CHST11: variants seen among roughly 807,000 people sequenced by gnomAD.
CHST11 encodes C4S-1.
CHST11 carries 9 observed loss-of-function variants against 30.4 expected under a neutral mutation model. The observed-to-expected ratio is 0.30, with a 90% confidence interval of 0.18 to 0.52. The LOEUF (loss-of-function observed/expected upper bound fraction) is 0.52. CHST11 is among the 20% of genes least tolerant of loss of function. The pLI is 0.97. For synonymous variants in CHST11, 152 were observed against 187.8 expected (o/e 0.81, Z 1.56); for missense variants, 348 against 460.6 (o/e 0.76, Z 2.24).
Position 104,544,165 on chromosome 12 carries a change from A to AG in CHST11, c.119-57740dup. On this transcript the variant is annotated intron_variant, in intron 1 of 2. Coordinates refer to ENST00000303694, the MANE Select transcript of CHST11 (RefSeq NM_018413.6). ...AAGAAAGAAAGAAAGAAAGAAAGAA[A>AG]GAAAGAAAGAAAGAAAGACCTGAAA... Among the ~76,000 whole-genome samples, 342 of 42,650 alleles carry AG rather than the reference A, an allele frequency of 8.0e-3. 7 individuals carry two copies. The highest frequency in any genetic ancestry group is 0.019 in the African/African-American group (324 of 16,668). The allele number at this position is 42,650 out of a possible 152,430, so 28.0% of individuals were successfully genotyped here. A position where few individuals can be genotyped will look rare whatever the true frequency, so the allele number is the denominator to read the frequency against.
At chr12:104,690,348 T>C (rs1009995504) in intron 2 of CHST11, among the ~76,000 whole-genome samples, 1 of 152,240 alleles carries the variant, frequency 6.6e-6, no homozygotes, top group Admixed American at 6.5e-5. Flanking sequence ...AATCATTTCA[T>C]TTGTATTTCT....
chr12:104,573,191 T>C (rs888624990), intron 1 of CHST11, among the ~76,000 whole-genome samples: 1 of 152,160 alleles, frequency 6.6e-6, no homozygotes, highest in Non-Finnish European at 1.5e-5. Context: ...TACAAACCGC[T>C]GCTCAATGAA....
chr12:104,533,211 G>C (rs1175043685), intron 1 of CHST11, among the ~76,000 whole-genome samples: 3 of 152,180 alleles, frequency 2.0e-5, no homozygotes, highest in South Asian at 2.1e-4. Context: ...TCATGCTATA[G>C]TTAGTTGTAT....
chr12:104,597,575 CT>C (rs1184928235), intron 1 of CHST11, among the ~76,000 whole-genome samples: 1 of 152,200 alleles, frequency 6.6e-6, no homozygotes, highest in African/African-American at 2.4e-5. Context: ...GTTAAATCTT[CT>C]ATCATTCATA....
At chr12:104,657,795 C>T (rs2039559732) in intron 2 of CHST11, among the ~76,000 whole-genome samples, 1 of 152,142 alleles carries the variant, frequency 6.6e-6, no homozygotes, top group Admixed American at 6.5e-5. Flanking sequence ...CTTGAGGGTC[C>T]CCAGGCTCCA....
chr12:104,654,904 G>T (rs893439134), intron 2 of CHST11, among the ~76,000 whole-genome samples: 7 of 147,292 alleles, frequency 4.8e-5, no homozygotes, highest in Non-Finnish European at 7.6e-5. Context: ...TCCAGAACAG[G>T]AGTGGTCATA....
chr12:104,645,414 G>GGGGGCTGGGCC (rs1384505429), intron 2 of CHST11, among the ~76,000 whole-genome samples: 1 of 152,192 alleles, frequency 6.6e-6, no homozygotes, highest in Non-Finnish European at 1.5e-5. Context: ...CAGAGAGCCA[G>GGGGGCTGGGCC]GGGGCTGGGC....
chr12:104,581,641 A>G (rs1351623751), intron 1 of CHST11, among the ~76,000 whole-genome samples: 1 of 152,150 alleles, frequency 6.6e-6, no homozygotes, highest in African/African-American at 2.4e-5. Context: ...CTTTCTGGGT[A>G]CTGCTGAAGA....
At chr12:104,632,665 C>A (rs901453884) in intron 2 of CHST11, among the ~76,000 whole-genome samples, 1 of 152,222 alleles carries the variant, frequency 6.6e-6, no homozygotes, top group Non-Finnish European at 1.5e-5. Flanking sequence ...TTTAGCCCAT[C>A]AGTCTGCTGA....
chr12:104,732,840 T>G (rs2136133621), intron 2 of CHST11, among the ~76,000 whole-genome samples: 1 of 152,364 alleles, frequency 6.6e-6, no homozygotes, highest in South Asian at 2.1e-4. Context: ...GCAAAACAAA[T>G]GGGGACTGAT....
At chr12:104,501,481 A>C (rs1484179118) in intron 1 of CHST11, among the ~76,000 whole-genome samples, 1 of 152,198 alleles carries the variant, frequency 6.6e-6, no homozygotes, top group Non-Finnish European at 1.5e-5. Flanking sequence ...GTGGCCTAGC[A>C]TTTGGTGGTC....
intron 2 of CHST11, among the ~76,000 whole-genome samples, chr12:104,719,459 T>C (rs537217952): frequency 3.3e-5 from 5 of 152,318 alleles, no homozygotes; most frequent in African/African-American, 1.2e-4. Flanking sequence ...ACTCTGTCTC[T>C]CTCGTGCACA....
At chr12:104,707,339 CACGAATGGGCTGTGAT>C (rs2040045207) in intron 2 of CHST11, among the ~76,000 whole-genome samples, 1 of 152,118 alleles carries the variant, frequency 6.6e-6, no homozygotes, top group Non-Finnish European at 1.5e-5. Context: ...GTTCATGTCC[CACGAATGGGCTGTGAT>C]ATCACTTTAG....
At chr12:104,508,157 G>A (rs376736418) in intron 1 of CHST11, among the ~76,000 whole-genome samples, 6 of 152,036 alleles carry the variant, frequency 3.9e-5, no homozygotes, top group South Asian at 2.1e-4. Context: ...TATTACCCCC[G>A]TCCATGACAC....
chr12:104,635,694 T>C (rs2039316855), intron 2 of CHST11, among the ~76,000 whole-genome samples: 1 of 152,224 alleles, frequency 6.6e-6, no homozygotes, highest in Non-Finnish European at 1.5e-5. Flanking sequence ...TCTCTTTTAA[T>C]GAAGGAAGAG....
intron 1 of CHST11, among the ~76,000 whole-genome samples, chr12:104,529,746 G>A (rs933915411): frequency 6.6e-6 from 1 of 152,180 alleles, no homozygotes; most frequent in African/African-American, 2.4e-5. Flanking sequence ...TTAACAACAT[G>A]ACCGAAAAGT....
intron 2 of CHST11, among the ~76,000 whole-genome samples, chr12:104,611,542 C>T (rs1343564978): frequency 1.3e-5 from 2 of 152,172 alleles, no homozygotes; most frequent in Non-Finnish European, 2.9e-5. Context: ...ATGGGCCAGC[C>T]CCAGAAAAGG....
intron 2 of CHST11, among the ~76,000 whole-genome samples, chr12:104,625,793 C>T (rs1436003311): frequency 6.6e-6 from 1 of 152,210 alleles, no homozygotes; most frequent in African/African-American, 2.4e-5. Flanking sequence ...ATTTTCTTCC[C>T]TGTCTTCTTT....
chr12:104,476,872 C>T (rs2037567827), intron 1 of CHST11, among the ~76,000 whole-genome samples: 1 of 150,538 alleles, frequency 6.6e-6, no homozygotes, highest in African/African-American at 2.5e-5. Flanking sequence ...TTCTGGAGGC[C>T]ACAAACTGTG....
Sources: allele counts gnomAD v4.1 joint callset (sites outside exome capture counted in the v4.1 genomes callset), GRCh38; gene constraint gnomAD v4.1.1; transcripts MANE v1.5; gene names NCBI Gene and HGNC (gene_info 2026-07-23, HGNC 2026-07-21).